Variants in PYHIN1 observed in about 807,000 individuals in gnomAD.
PYHIN1 encodes the protein pyrin and HIN domain-containing protein 1.
PYHIN1 carries 32 observed loss-of-function variants against 43.7 expected under a neutral mutation model. That is an observed-to-expected ratio of 0.73 (90% CI 0.55 to 0.98). PYHIN1 has a LOEUF of 0.98. PYHIN1 is among the 50% of genes least tolerant of loss of function. The probability of loss-of-function intolerance (pLI) is 0.00; values close to 1 mark genes in which losing one functional copy is unlikely to be tolerated. For missense variants in PYHIN1, 588 were observed against 589.5 expected (o/e 1.00, Z 0.03); for synonymous variants, 205 against 203.1 (o/e 1.01, Z -0.08).
chr1:158,943,964 C>A lies in PYHIN1; in HGVS notation c.1177C>A (p.His393Asn). 6.2e-7 allele frequency: 1 copy of A among 1,600,988 alleles called. No individual in the cohort carries two copies. The highest frequency in any genetic ancestry group is 8.5e-7 in the Non-Finnish European group (1 of 1,171,148). The change falls in exon 6 of 9, where the codon CAT becomes AAT. Residue 393 changes from histidine to asparagine, a missense_variant. His to Asn is a moderately conservative substitution (Grantham distance 68, BLOSUM62 1). Coordinates refer to ENST00000368140, the MANE Select transcript of PYHIN1 (RefSeq NM_152501.5). ...ENMSKLMSEMHSFIQIQKNTN... is the reference protein window; with the variant it reads ...ENMSKLMSEMNSFIQIQKNTN... ...TATGTCAAAACTGATGTCAGAAATG[C>A]ATAGTTTCATCCAGGTGAGAAATAA...
At chr1:158,951,905 G>A (rs902924757) in intron 7 of PYHIN1, among the ~76,000 whole-genome samples, 1 of 152,148 alleles carries the variant, frequency 6.6e-6, no homozygotes, top group Non-Finnish European at 1.5e-5. Flanking sequence ...AGAGATAACA[G>A]TGGCCATTAT....
rs1250865643 is a variant in PYHIN1 at position 158,933,883 on chromosome 1, C to A, written c.-21+2107C>A. ...TTTTTCATTCTTACTTGTCTTTTGG[C>A]CTGCAGCTTTTTAAAATTTTTTTTT... On this transcript the variant is annotated intron_variant, in intron 1 of 8. Transcript: ENST00000368140. The surrounding 1 kb of genome is among the most constrained non-coding windows in gnomAD (Gnocchi z 6.3). Among the ~76,000 whole-genome samples, 1 of 152,034 alleles carries A rather than the reference C, an allele frequency of 6.6e-6. No homozygotes were observed. Among genetic ancestry groups the A allele is most frequent in the Non-Finnish European group, 1.5e-5 (1 of 67,960 alleles).
In PYHIN1 at chr1:158,942,011, C is replaced by T. The variant is rs769541818; in HGVS notation, c.614C>T (p.Ala205Val). ...CCATTGGCCAACCGTCACGCAACTGCCAGTAAAAATATTTTCCGAGAAGAC... is the reference window on the plus strand; with the variant it reads ...CCATTGGCCAACCGTCACGCAACTGTCAGTAAAAATATTTTCCGAGAAGAC... ...LKPLANRHAT[A>V]SKNIFREDPI... The change falls in exon 5 of 9, where the codon GCC (alanine) becomes GTC (valine). Residue 205 changes from alanine (A) to valine (V), a missense_variant. Transcript: ENST00000368140. The T allele has an allele frequency of 4.5e-5, 73 of 1,610,602 alleles. No homozygotes were observed. In the South Asian group the frequency reaches 7.4e-4, roughly 16 times the overall value.
In PYHIN1 at chr1:158,944,943, G is replaced by T. The variant is rs150828296; in HGVS notation, c.1260G>T (p.Gln420His). ...RSMALPQEQS[Q>H]HPKPSEASTT... ...TGGCACTACCCCAGGAACAGAGTCA[G>T]CATCCAAAACCTTCAGAGGCCAGCA... Residue 420 changes from glutamine (Q) to histidine (H), a missense_variant, in exon 7 of 9, where the codon CAG becomes CAT. Transcript: ENST00000368140. The T allele has an allele frequency of 2.8e-4, 447 of 1,613,550 alleles. No individual in the cohort carries two copies. Among genetic ancestry groups the T allele is most frequent in the Non-Finnish European group, 3.7e-4 (435 of 1,179,754 alleles).
In PYHIN1 at chr1:158,976,710, G is replaced by T; in HGVS notation, c.*15G>T. 6.3e-7 allele frequency: 1 copy of T among 1,598,982 alleles called. No individual in the cohort carries two copies. Among genetic ancestry groups the T allele is most frequent in the Non-Finnish European group, 8.5e-7 (1 of 1,172,286 alleles). ...CTCTTTATGCTTCAAGGTCACCAAG[G>T]ACAAGGATATCAAATAACTACTGTT... On this transcript the variant is annotated 3_prime_UTR_variant, in exon 9 of 9. Coordinates refer to ENST00000368140, the MANE Select transcript of PYHIN1 (RefSeq NM_152501.5).
In PYHIN1 at chr1:158,939,209, A is replaced by T. The variant is rs1292858523; in HGVS notation, c.541A>T (p.Thr181Ser). The change falls in exon 4 of 9, where the codon ACC (threonine) becomes TCC (serine). Residue 181 changes from threonine to serine, a missense_variant. Thr to Ser is a moderately conservative substitution (Grantham distance 58). Transcript: ENST00000368140. ...TAMGRSPPPQ[T>S]SSSAPPNTSS... ...CATGGGCCGTTCCCCACCTCCCCAG[A>T]CCTCATCATCAGCTCCACCCAACAC... is the stretch of plus-strand genomic sequence containing the variant. The T allele has an allele frequency of 9.9e-6, 16 of 1,610,176 alleles. No individual in the cohort carries two copies. The highest frequency in any genetic ancestry group is 1.2e-5 in the Non-Finnish European group (14 of 1,178,998).
At chr1:158,983,494 T>G in the PYHIN1 span, among the ~76,000 whole-genome samples, 2 of 152,306 alleles carry the variant, frequency 1.3e-5, no homozygotes, top group African/African-American at 4.8e-5. Flanking sequence ...AAAGCTTACT[T>G]GATCATGGTG....
chr1:158,978,315 C>T (rs2101747700), downstream of PYHIN1, among the ~76,000 whole-genome samples: 1 of 151,516 alleles, frequency 6.6e-6, no homozygotes, highest in Non-Finnish European at 1.5e-5. Flanking sequence ...ATTTGGTTCA[C>T]TTGGGAAAAT....
chr1:158,956,675 T>TCCCC (rs906932098), intron 7 of PYHIN1, among the ~76,000 whole-genome samples: 1 of 151,064 alleles, frequency 6.6e-6, no homozygotes, highest in Non-Finnish European at 1.5e-5. Flanking sequence ...CTGGAAGCAT[T>TCCCC]CCCTTTGAAA....
the PYHIN1 span, among the ~76,000 whole-genome samples, chr1:158,986,213 T>C: frequency 6.6e-6 from 1 of 152,228 alleles, no homozygotes; most frequent in Non-Finnish European, 1.5e-5. Flanking sequence ...GCACTGGTTC[T>C]TTCCCATCTG....
chr1:158,971,332 A>G (rs376578094), intron 7 of PYHIN1, among the ~76,000 whole-genome samples: 5 of 152,084 alleles, frequency 3.3e-5, no homozygotes, highest in East Asian at 3.9e-4. Flanking sequence ...GAGTGATTTG[A>G]TATTGGAAGT....
chr1:158,980,822 T>A (rs1411921743), downstream of PYHIN1, among the ~76,000 whole-genome samples: 2 of 152,140 alleles, frequency 1.3e-5, no homozygotes, highest in Non-Finnish European at 2.9e-5. Flanking sequence ...CCTTTACTAG[T>A]GGTTCTGCTT....
At position 158,939,139 on chromosome 1, in the gene PYHIN1, G is replaced by A. The variant is rs1648744155; in HGVS notation, c.471G>A (p.Glu157=). ...CCAAAAGGAGTAAGATGTCCAAAGA[G>A]CAGACTCGGCCTTCCTGCTCTGCAG... ...TGTKRSKMSK[E]QTRPSCSAGA... Residue 157 remains glutamate (E), a synonymous_variant, in exon 4 of 9, where the codon GAG becomes GAA. Coordinates refer to ENST00000368140, the MANE Select transcript of PYHIN1 (RefSeq NM_152501.5). 6.2e-7 allele frequency: 1 copy of A among 1,613,592 alleles called. No homozygotes were observed. Among genetic ancestry groups the A allele is most frequent in the African/African-American group, 1.3e-5 (1 of 74,888 alleles).
rs549495943 is a variant in PYHIN1, at chr1:158,949,628, C to A, written c.1359+4586C>A. On this transcript the variant is annotated intron_variant, in intron 7 of 8. Coordinates refer to ENST00000368140, the MANE Select transcript of PYHIN1 (RefSeq NM_152501.5). ...ATTCCCACCTATGAGTGAGAATATG[C>A]ACTGTTTGGTTTTTTGTTCTTGCGA... Among the ~76,000 whole-genome samples the A allele has an allele frequency of 2.7e-5, 4 of 148,114 alleles. No homozygotes were observed. In the East Asian group the frequency reaches 8.1e-4, roughly 30 times the overall value.
rs766669630 is a variant in PYHIN1, at chr1:158,937,099, C to T, written c.189C>T (p.Gly63=). 1 of 1,613,668 alleles carries T rather than the reference C, an allele frequency of 6.2e-7. No individual in the cohort carries two copies. Among genetic ancestry groups the T allele is most frequent in the Non-Finnish European group, 8.5e-7 (1 of 1,179,806 alleles). The change falls in exon 2 of 9, where the codon GGC becomes GGT. Residue 63 remains glycine (G), a synonymous_variant. Transcript: ENST00000368140. The part of the protein sequence containing the change: ...EEKFPGDAGL[G]KLIEFFKEIP... ...AGTTCCCAGGTGATGCCGGTTTGGG[C>T]AAACTAATAGAATTCTTCAAAGAAA...
At chr1:158,935,927 C>G (rs931011385) in intron 1 of PYHIN1, among the ~76,000 whole-genome samples, 8 of 152,136 alleles carry the variant, frequency 5.3e-5, no homozygotes, top group African/African-American at 1.7e-4. Context: ...GGACCCAATT[C>G]AACTATCCTC....
chr1:158,956,354 A>G (rs915261671), intron 7 of PYHIN1, among the ~76,000 whole-genome samples: 36 of 152,342 alleles, frequency 2.4e-4, no homozygotes, highest in African/African-American at 8.4e-4. Context: ...CAAATCCTCA[A>G]TAAAATACTG....
chr1:158,959,650 C>T (rs1257500838), intron 7 of PYHIN1, among the ~76,000 whole-genome samples: 1 of 152,118 alleles, frequency 6.6e-6, no homozygotes, highest in Admixed American at 6.5e-5. Context: ...CCACAGGTAC[C>T]CACGTTTCAG....
At chr1:158,978,377 G>A (rs891127795), downstream of PYHIN1, among the ~76,000 whole-genome samples, 11 of 151,940 alleles carry the variant, frequency 7.2e-5, no homozygotes, top group African/African-American at 2.7e-4. Flanking sequence ...CATGTGCAGT[G>A]AAAAAACTGA....
Sources: allele counts gnomAD v4.1 joint callset (sites outside exome capture counted in the v4.1 genomes callset), GRCh38; gene constraint gnomAD v4.1.1; non-coding constraint Gnocchi (gnomAD v3.1); transcripts MANE v1.5; gene names NCBI Gene and HGNC (gene_info 2026-07-23, HGNC 2026-07-21).